The following SASH1 variants were observed in gnomAD, a reference collection of about 807,000 sequenced individuals.
SASH1 encodes SAM and SH3 domain containing 1.
Under a neutral mutation model 125.2 loss-of-function variants are expected in SASH1, and 44 were observed. The observed-to-expected ratio is 0.35, with a 90% confidence interval of 0.28 to 0.45. SASH1 has a LOEUF of 0.45. Ranked by LOEUF, SASH1 falls within the 20% of genes least tolerant of loss-of-function variation. The pLI is 1.00. For synonymous variants in SASH1, 639 were observed against 649.1 expected, an observed-to-expected ratio of 0.98 and a Z score of 0.24; for missense variants, 1,426 against 1,614.5, an observed-to-expected ratio of 0.88 and a Z score of 2.00.
Position 148,344,085 on chromosome 6 carries a change from A to G in SASH1, c.156+862A>G, listed in dbSNP as rs143741913. Among the ~76,000 whole-genome samples, 1,009 of 152,260 alleles carry G rather than the reference A, an allele frequency of 6.6e-3. 8 individuals are homozygous for G. The highest frequency in any genetic ancestry group is 0.022 in the African/African-American group (914 of 41,562). On this transcript the variant is annotated intron_variant, in intron 1 of 19. Transcript: ENST00000367467. ...TCTTATATTTTTTGAGTGGGAGGAG[A>G]TGGAGTGAAAGTTCTTCTTTGGGAA...
chr6:148,396,305 T>C (rs1288511416), intron 2 of SASH1, among the ~76,000 whole-genome samples: 1 of 151,334 alleles, frequency 6.6e-6, no homozygotes, highest in Non-Finnish European at 1.5e-5. Flanking sequence ...ATGGTGAAAC[T>C]CCATCTCTAC....
chr6:148,431,239 C>T (rs1213516338), intron 2 of SASH1, among the ~76,000 whole-genome samples: 2 of 151,916 alleles, frequency 1.3e-5, no homozygotes, highest in African/African-American at 4.8e-5. Flanking sequence ...CACTCTGTCG[C>T]CCAGGCTGGG....
chr6:148,487,737 C>T, intron 8 of SASH1, 22 bp downstream of exon 8: 1 of 1,505,774 alleles, frequency 6.6e-7, no homozygotes, highest in African/African-American at 1.4e-5. Context: ...ATGTCTTTGA[C>T]ATCTTGATCA....
intron 4 of SASH1, among the ~76,000 whole-genome samples, chr6:148,464,787 T>C (rs1178146645): frequency 6.6e-6 from 1 of 152,056 alleles, no homozygotes; most frequent in African/African-American, 2.4e-5. Flanking sequence ...ATTCAAAGGA[T>C]TGTAAATTTG....
the SASH1 span, among the ~76,000 whole-genome samples, chr6:148,211,853 T>C: frequency 6.6e-6 from 1 of 152,112 alleles, no homozygotes; most frequent in African/African-American, 2.4e-5. Context: ...GCTGGAAGCA[T>C]CTGTTATATG....
At chr6:148,461,110 C>T (rs985585793) in intron 4 of SASH1, among the ~76,000 whole-genome samples, 1 of 152,192 alleles carries the variant, frequency 6.6e-6, no homozygotes, top group Non-Finnish European at 1.5e-5. Flanking sequence ...CTCATGTGAT[C>T]CTCTTAACAG....
chr6:148,447,432 T>C (rs1776847652), intron 4 of SASH1, among the ~76,000 whole-genome samples: 1 of 152,244 alleles, frequency 6.6e-6, no homozygotes, highest in Admixed American at 6.5e-5. Flanking sequence ...AGCTGATTAC[T>C]CTTTTGATAA....
intron 8 of SASH1, among the ~76,000 whole-genome samples, chr6:148,501,885 G>A (rs1299286716): frequency 6.6e-6 from 1 of 152,130 alleles, no homozygotes. Flanking sequence ...TCCTCATGGG[G>A]GCGATTAAAA....
the SASH1 span, among the ~76,000 whole-genome samples, chr6:148,252,936 G>A: frequency 6.6e-6 from 1 of 152,142 alleles, no homozygotes; most frequent in African/African-American, 2.4e-5. Context: ...CCAGCTCTAG[G>A]ACCTAGAAAA....
chr6:148,451,280 G>A (rs934202701), intron 4 of SASH1, among the ~76,000 whole-genome samples: 4 of 152,196 alleles, frequency 2.6e-5, no homozygotes, highest in Non-Finnish European at 1.5e-5. Context: ...GCTACCTTGG[G>A]CTTACTCGTG....
chr6:148,409,000 A>G (rs1404539447), intron 2 of SASH1, among the ~76,000 whole-genome samples: 1 of 152,180 alleles, frequency 6.6e-6, no homozygotes. Context: ...TTCACCTGCT[A>G]TGCTTGTCAC....
the SASH1 span, among the ~76,000 whole-genome samples, chr6:148,202,499 C>T: frequency 2.0e-5 from 3 of 152,100 alleles, no homozygotes; most frequent in South Asian, 4.1e-4. Context: ...GGAGGGCTGC[C>T]GGGAGGCTGG....
At chr6:148,512,815 T>C in intron 8 of SASH1, 1 of 985,166 alleles carries the variant, frequency 1.0e-6, no homozygotes, top group Non-Finnish European at 1.2e-6. Flanking sequence ...TAATACACTT[T>C]ACAGAAGAGA....
intron 4 of SASH1, among the ~76,000 whole-genome samples, chr6:148,446,359 T>C (rs375563730): frequency 1.3e-3 from 197 of 152,214 alleles, no homozygotes; most frequent in African/African-American, 3.9e-3. Context: ...CCGCCCGCCT[T>C]GGCCTCCTAA....
chr6:148,520,669 G>A (rs1780754443), intron 10 of SASH1, among the ~76,000 whole-genome samples: 1 of 152,134 alleles, frequency 6.6e-6, no homozygotes, highest in Non-Finnish European at 1.5e-5. Context: ...GGTGGGGTTT[G>A]GCCGCCTCCA....
rs1782850068 is a variant in SASH1 at position 148,551,051 on chromosome 6, A to C, written c.*2493A>C. On this transcript the variant is annotated 3_prime_UTR_variant, in exon 20 of 20. Coordinates refer to ENST00000367467, the MANE Select transcript of SASH1 (RefSeq NM_015278.5). ...GCATAGAAAATCAAATTCAGGGACCACAAAGAATTTTCAGTGGGAATGTCT... is the reference window on the plus strand; with the variant it reads ...GCATAGAAAATCAAATTCAGGGACCCCAAAGAATTTTCAGTGGGAATGTCT... 6.6e-6 allele frequency: 1 copy of C among 152,664 alleles called. No homozygotes were observed. The highest frequency in any genetic ancestry group is 2.4e-5 in the African/African-American group (1 of 41,454). The allele number at this position is 152,664 out of a possible 1,614,324, so 9.5% of individuals were successfully genotyped here. A position where few individuals can be genotyped will look rare whatever the true frequency, so the allele number is the denominator to read the frequency against.
At position 148,330,625 on chromosome 6, in the gene SASH1, G is replaced by A. The variant is rs142049303; in HGVS notation, n.74+58248G>A. On this transcript the variant is annotated intron_variant and non_coding_transcript_variant, in intron 1 of 3. Coordinates refer to the SASH1 transcript ENST00000367469. ...TCTGAGATGGAGTTTCCCTCTTGTC[G>A]CCCAGGCTGGAGTGCAATGGCACGA... 5.4e-4 allele frequency among the ~76,000 whole-genome samples: 82 copies of A among 151,572 alleles called. No individual in the cohort carries two copies. In the East Asian group the frequency reaches 0.012, roughly 23 times the overall value.
intron 1 of SASH1, among the ~76,000 whole-genome samples, chr6:148,358,742 T>G (rs1782057246): frequency 6.8e-6 from 1 of 146,578 alleles, no homozygotes; most frequent in South Asian, 2.2e-4. Flanking sequence ...TGTTTTTTTT[T>G]TTTTTTTTTT....
At chr6:148,336,244 C>T (rs1353406676) in intron 1 of SASH1, among the ~76,000 whole-genome samples, 1 of 130,722 alleles carries the variant, frequency 7.6e-6, no homozygotes, top group Non-Finnish European at 1.5e-5. Context: ...GGCAAGATCT[C>T]GGCTCACTGC....
Sources: gnomAD v4.1 joint callset for allele counts (sites outside exome capture counted in the v4.1 genomes callset) on GRCh38, gnomAD v4.1.1 for gene constraint, MANE v1.5 for transcripts, NCBI Gene and HGNC (gene_info 2026-07-23, HGNC 2026-07-21) for gene names.